The following TCF3 variants were observed in gnomAD, a reference collection of about 807,000 sequenced individuals.
TCF3 encodes the protein transcription factor 3, also known as transcription factor E2-alpha.
A neutral mutation model predicts 72.3 loss-of-function variants in TCF3; 54 were observed. That is an observed-to-expected ratio of 0.75 (90% CI 0.60 to 0.94). TCF3 has a LOEUF of 0.94. TCF3 is among the 40% of genes least tolerant of loss of function. The pLI is 0.00. For synonymous variants in TCF3, 525 were observed against 412.6 expected, an observed-to-expected ratio of 1.27 and a Z score of -3.30; for missense variants, 1,078 against 934.4, an observed-to-expected ratio of 1.15 and a Z score of -2.00.
intron 3 of TCF3, among the ~76,000 whole-genome samples, chr19:1,639,751 G>GAAAAAAAAAA (rs10674333): frequency 1.1e-4 from 6 of 54,172 alleles, no homozygotes; most frequent in Admixed American, 2.2e-4. Context: ...AGGAAATTAG[G>GAAAAAAAAAA]AAAAAAAAAA....
chr19:1,652,118 C>A (rs1329986947), intron 1 of TCF3, among the ~76,000 whole-genome samples, 182 bp downstream of exon 1: 6 of 150,278 alleles, frequency 4.0e-5, no homozygotes, highest in Admixed American at 1.3e-4. Context: ...CGTCGCCGCC[C>A]CCCCGGCGCC....
chr19:1,649,765 C>T (rs1363569124), intron 2 of TCF3, among the ~76,000 whole-genome samples: 2 of 152,158 alleles, frequency 1.3e-5, no homozygotes, highest in African/African-American at 4.8e-5. Context: ...GTCTCACTGT[C>T]AACCAGACTG....
At chr19:1,612,570 G>C in intron 18 of TCF3, 1 of 799,268 alleles carries the variant, frequency 1.3e-6, no homozygotes, top group Admixed American at 2.4e-5. Context: ...GGCTGGTGTT[G>C]GTGGGCACAG....
chr19:1,615,562 A>G lies in TCF3; in HGVS notation c.1587-42T>C. Reference sequence around the variant, plus strand: ...GGGAGGGGGCCAGAGGGAGACAGTGAGGTTGGGGGAAGAGCGTGGGGCCCG... The same window carrying G: ...GGGAGGGGGCCAGAGGGAGACAGTGGGGTTGGGGGAAGAGCGTGGGGCCCG... On this transcript the variant is annotated intron_variant, in intron 17 of 18. Coordinates refer to ENST00000262965, the MANE Select transcript of TCF3 (RefSeq NM_003200.5). This position sits in a 1 kb window ranked among gnomAD's most constrained non-coding sequence, Gnocchi z 7.3. 1 of 1,602,792 alleles carries G rather than the reference A, an allele frequency of 6.2e-7. No homozygotes were observed. The highest frequency in any genetic ancestry group is 8.5e-7 in the Non-Finnish European group (1 of 1,179,108).
At chr19:1,617,230 G>T (rs927272597) in intron 16 of TCF3, among the ~76,000 whole-genome samples, 3 of 152,182 alleles carry the variant, frequency 2.0e-5, no homozygotes, top group African/African-American at 7.2e-5. Context: ...TCACACCCTT[G>T]ATCAGCAGGT....
chr19:1,646,703 G>A (rs541274684), intron 2 of TCF3, among the ~76,000 whole-genome samples: 2 of 152,310 alleles, frequency 1.3e-5, no homozygotes, highest in South Asian at 2.1e-4. Flanking sequence ...AGTCCCTGCC[G>A]CTGAAAACTC....
At position 1,625,594 on chromosome 19, in the gene TCF3, C is replaced by A; in HGVS notation, c.481G>T (p.Ala161Ser). Residue 161 changes from alanine to serine, a missense_variant, in exon 7 of 19, where the codon GCG becomes TCG. Coordinates refer to ENST00000262965, the MANE Select transcript of TCF3 (RefSeq NM_003200.5). ...PSYSGSSRRRAADGSLDTQPK... is the reference protein window; with the variant it reads ...PSYSGSSRRRSADGSLDTQPK... ...CGCTCACCTAGGCTGCCGTCTGCCGCTCTCCGCCGGGAGCTGCCGGAGTAG... is the reference window on the plus strand; with the variant it reads ...CGCTCACCTAGGCTGCCGTCTGCCGATCTCCGCCGGGAGCTGCCGGAGTAG... 2 of 1,586,474 alleles carry A rather than the reference C, an allele frequency of 1.3e-6. No homozygotes were observed. The highest frequency in any genetic ancestry group is 1.7e-6 in the Non-Finnish European group (2 of 1,169,016).
intron 8 of TCF3, 129 bp from the exon 9 acceptor site, chr19:1,622,544 A>G: frequency 1.9e-6 from 1 of 521,212 alleles, no homozygotes; most frequent in Non-Finnish European, 3.3e-6. Flanking sequence ...CTGTAAAGCC[A>G]CCCCCCTTTA....
chr19:1,625,571 C>T lies in TCF3; in HGVS notation c.499+5G>A, dbSNP rs765887102. 6.3e-7 allele frequency: 1 copy of T among 1,578,826 alleles called. No homozygotes were observed. The highest frequency in any genetic ancestry group is 2.5e-5 in the East Asian group (1 of 40,750). On this transcript the variant is annotated splice_donor_5th_base_variant and intron_variant, in intron 7 of 18. Coordinates refer to ENST00000262965, the MANE Select transcript of TCF3 (RefSeq NM_003200.5). ...CCCCCGATGCCCCGGCCAGACCCCGCTCACCTAGGCTGCCGTCTGCCGCTC... is the reference window on the plus strand; with the variant it reads ...CCCCCGATGCCCCGGCCAGACCCCGTTCACCTAGGCTGCCGTCTGCCGCTC...
chr19:1,642,235 C>G (rs1192586467), intron 3 of TCF3, among the ~76,000 whole-genome samples: 1 of 151,878 alleles, frequency 6.6e-6, no homozygotes, highest in East Asian at 1.9e-4. Flanking sequence ...CAGACACGCA[C>G]GCGCAGACGC....
At chr19:1,646,581 A>G (rs984705901) in intron 2 of TCF3, among the ~76,000 whole-genome samples, 154 bp from the exon 3 acceptor site, 5 of 152,020 alleles carry the variant, frequency 3.3e-5, no homozygotes, top group Non-Finnish European at 5.9e-5. Context: ...CCGCCCCATC[A>G]CAGACCAGAA....
intron 16 of TCF3, among the ~76,000 whole-genome samples, chr19:1,617,130 T>C (rs1242229051): frequency 1.3e-5 from 2 of 152,264 alleles, no homozygotes; most frequent in Non-Finnish European, 2.9e-5. Context: ...TTGAGGGACC[T>C]GAACAGTCAA....
At chr19:1,624,091 T>C (rs1407162315) in intron 7 of TCF3, 91 bp from the exon 8 acceptor site, 13 of 1,357,000 alleles carry the variant, frequency 9.6e-6, no homozygotes, top group Non-Finnish European at 1.3e-5. Flanking sequence ...ACAATTCCCG[T>C]TTCATATATT....
At chr19:1,613,723 C>G (rs947052606) in intron 18 of TCF3, among the ~76,000 whole-genome samples, 3 of 152,172 alleles carry the variant, frequency 2.0e-5, no homozygotes, top group African/African-American at 7.2e-5. Context: ...GACCCCCACA[C>G]CCTGGGGAGG....
In TCF3 at chr19:1,630,754, T is replaced by C. The variant is rs149504691; in HGVS notation, c.298+1284A>G. Reference sequence around the variant, plus strand: ...CAGCTGAGGCACTGGGGCAGGAGGCTGACCACGACAGCGGGACCCCTGAGG... The same window carrying C: ...CAGCTGAGGCACTGGGGCAGGAGGCCGACCACGACAGCGGGACCCCTGAGG... On this transcript the variant is annotated intron_variant, in intron 5 of 18. Transcript: ENST00000262965. Among the ~76,000 whole-genome samples, 935 of 152,248 alleles carry C rather than the reference T, an allele frequency of 6.1e-3. 16 individuals carry two copies. The highest frequency in any genetic ancestry group is 0.021 in the African/African-American group (882 of 41,516).
chr19:1,612,651 T>C (rs902138536), intron 18 of TCF3, among the ~76,000 whole-genome samples: 23 of 147,554 alleles, frequency 1.6e-4, no homozygotes, highest in Non-Finnish European at 1.0e-4. Context: ...CGGCTGGTGT[T>C]GGTGTGGGCA....
chr19:1,650,265 C>T lies in TCF3; in HGVS notation c.-17G>A, dbSNP rs547082169. ...CTGGTTCATTCTCCTGGGGCCAGGG[C>T]GGGCACCTCAGGCCTGGAAACCCTG... On this transcript the variant is annotated 5_prime_UTR_variant, in exon 2 of 19. Coordinates refer to ENST00000262965, the MANE Select transcript of TCF3 (RefSeq NM_003200.5). 33 of 1,554,676 alleles carry T rather than the reference C, an allele frequency of 2.1e-5. No individual in the cohort carries two copies. The Admixed American group carries it at 2.5e-4, about 12-fold the overall frequency.
intron 18 of TCF3, 86 bp from the exon 19 acceptor site, chr19:1,611,935 G>GGT (rs1555711633): frequency 1.4e-5 from 3 of 218,952 alleles, no homozygotes; most frequent in Non-Finnish European, 2.6e-5. Context: ...GATGTCGGGG[G>GGT]GGGGGGTGGG....
Position 1,646,439 on chromosome 19 carries a change from G to A in TCF3, c.73-12C>T, listed in dbSNP as rs762266815. 3.2e-6 allele frequency: 5 copies of A among 1,549,856 alleles called. No individual in the cohort carries two copies. The highest frequency in any genetic ancestry group is 1.7e-4 in the Middle Eastern group (1 of 6,010). On this transcript the variant is annotated splice_polypyrimidine_tract_variant and intron_variant, in intron 2 of 18. Transcript: ENST00000262965. Reference sequence around the variant, plus strand: ...GGCAGCGGGAACATCTGCAGGGAGGGGAGGGGAGACGTGAGCGGGGCGGGT... The same window carrying A: ...GGCAGCGGGAACATCTGCAGGGAGGAGAGGGGAGACGTGAGCGGGGCGGGT...
Sources: allele counts gnomAD v4.1 joint callset (sites outside exome capture counted in the v4.1 genomes callset), GRCh38; gene constraint gnomAD v4.1.1; non-coding constraint Gnocchi (gnomAD v3.1); transcripts MANE v1.5; gene names NCBI Gene and HGNC (gene_info 2026-07-23, HGNC 2026-07-21).